The following EPHB1 variants were observed in gnomAD, a reference collection of about 807,000 sequenced individuals.
EPHB1 encodes ephrin type-B receptor 1.
Under a neutral mutation model 94.4 loss-of-function variants are expected in EPHB1, and 30 were observed. The ratio of observed to expected loss-of-function variants is 0.32; its 90% CI spans 0.24 to 0.43. EPHB1 has a LOEUF of 0.43. Ranked by LOEUF, EPHB1 falls within the 20% of genes least tolerant of loss-of-function variation. The pLI is 1.00. For missense variants in EPHB1, 1,055 were observed against 1,308.3 expected (o/e 0.81, Z 2.99); for synonymous variants, 522 against 489.1 (o/e 1.07, Z -0.89).
chr3:135,113,397 A>C (rs916307267), intron 4 of EPHB1, among the ~76,000 whole-genome samples: 6 of 152,256 alleles, frequency 3.9e-5, no homozygotes, highest in Non-Finnish European at 8.8e-5. Flanking sequence ...GCTAAAAGCC[A>C]GGCACACAAG....
In EPHB1 at chr3:135,242,200, G is replaced by C. The variant is rs569561848; in HGVS notation, c.2496+903G>C. On this transcript the variant is annotated intron_variant, in intron 13 of 15. Coordinates refer to ENST00000398015, the MANE Select transcript of EPHB1 (RefSeq NM_004441.5). ...TTTGCATACATACCCTCCCGTTGGA[G>C]CTGAGAGGATTACAATTTGCAAAGC... Among the ~76,000 whole-genome samples the C allele has an allele frequency of 3.3e-5, 5 of 152,314 alleles. No homozygotes were observed. In the South Asian group the frequency reaches 1.0e-3, roughly 32 times the overall value.
Position 135,102,078 on chromosome 3 carries a change from C to T in EPHB1, c.806-4370C>T, listed in dbSNP as rs546136483. ...TCCCAACTGCAGCAGTAGTGCTGAC[C>T]GTAATTCTGTAAAGGAACTCCTGAG... On this transcript the variant is annotated intron_variant, in intron 3 of 15. Coordinates refer to ENST00000398015, the MANE Select transcript of EPHB1 (RefSeq NM_004441.5). Among the ~76,000 whole-genome samples the T allele has an allele frequency of 3.3e-5, 5 of 152,244 alleles. No homozygotes were observed. The South Asian group carries it at 6.2e-4, about 19-fold the overall frequency.
At chr3:134,903,825 C>T (rs1366697118) in intron 1 of EPHB1, among the ~76,000 whole-genome samples, 1 of 152,158 alleles carries the variant, frequency 6.6e-6, no homozygotes, top group African/African-American at 2.4e-5. Flanking sequence ...GTTATTATTC[C>T]ATTGTTGCTA....
intron 1 of EPHB1, among the ~76,000 whole-genome samples, chr3:134,905,737 C>T (rs2038310719): frequency 6.6e-6 from 1 of 152,182 alleles, no homozygotes; most frequent in South Asian, 2.1e-4. Context: ...CCTCTTGGTG[C>T]TGACCAGGAG....
intron 3 of EPHB1, among the ~76,000 whole-genome samples, chr3:135,005,299 G>T (rs1935356658): frequency 6.6e-6 from 1 of 152,236 alleles, no homozygotes; most frequent in African/African-American, 2.4e-5. Flanking sequence ...CCCACTTGAG[G>T]AGGCAGTCTG....
intron 3 of EPHB1, chr3:134,978,225 C>A (rs571266629): frequency 1.4e-4 from 42 of 307,576 alleles, no homozygotes; most frequent in South Asian, 9.7e-4. Flanking sequence ...TCTGCTGCCC[C>A]TACCCTAAGC....
chr3:135,110,348 C>T (rs1307483740), intron 4 of EPHB1, among the ~76,000 whole-genome samples: 2 of 152,078 alleles, frequency 1.3e-5, no homozygotes, highest in East Asian at 3.9e-4. Context: ...CCCTTGAGCC[C>T]ACCAGCCGAC....
chr3:135,169,978 G>T (rs1156804597), intron 9 of EPHB1, among the ~76,000 whole-genome samples: 1 of 152,208 alleles, frequency 6.6e-6, no homozygotes, highest in Non-Finnish European at 1.5e-5. Flanking sequence ...CAGAAAGATT[G>T]ATAATGTCTG....
intron 11 of EPHB1, among the ~76,000 whole-genome samples, chr3:135,197,141 A>T (rs1163144592): frequency 1.3e-5 from 2 of 152,068 alleles, no homozygotes; most frequent in Non-Finnish European, 2.9e-5. Context: ...TAATAAGCGA[A>T]ACAATTCCTG....
chr3:134,984,113 G>A (rs1034763912), intron 3 of EPHB1, among the ~76,000 whole-genome samples: 1 of 152,214 alleles, frequency 6.6e-6, no homozygotes, highest in Non-Finnish European at 1.5e-5. Context: ...CACTAAAGGG[G>A]TAAAGAGGAT....
intron 12 of EPHB1, among the ~76,000 whole-genome samples, chr3:135,227,043 A>G (rs7635276): frequency 0.44 from 66,157 of 151,658 alleles, 15,110 homozygotes; most frequent in South Asian, 0.56. Flanking sequence ...GGAGACATGG[A>G]TTGAAAAATC....
At chr3:135,049,422 C>G (rs1937102475) in intron 3 of EPHB1, among the ~76,000 whole-genome samples, 1 of 152,208 alleles carries the variant, frequency 6.6e-6, no homozygotes, top group African/African-American at 2.4e-5. Context: ...ACTCACAGAT[C>G]TGATGGTTGA....
At chr3:134,799,537 T>C (rs946600476) in intron 1 of EPHB1, among the ~76,000 whole-genome samples, 1 of 152,244 alleles carries the variant, frequency 6.6e-6, no homozygotes, top group Non-Finnish European at 1.5e-5. Context: ...AATGCAGCTC[T>C]GGGCAATGGC....
intron 3 of EPHB1, among the ~76,000 whole-genome samples, chr3:134,983,594 C>A (rs36106): frequency 7.2e-5 from 11 of 152,210 alleles, no homozygotes; most frequent in African/African-American, 1.7e-4. Flanking sequence ...GACAGAGTGC[C>A]TGAGAGACTG....
At position 135,242,492 on chromosome 3, in the gene EPHB1, G is replaced by T. The variant is rs970245938; in HGVS notation, c.2496+1195G>T. Among the ~76,000 whole-genome samples the T allele has an allele frequency of 3.3e-5, 5 of 152,160 alleles. No individual in the cohort carries two copies. The East Asian group carries it at 9.6e-4, about 29-fold the overall frequency. On this transcript the variant is annotated intron_variant, in intron 13 of 15. Transcript: ENST00000398015. ...GAGAAAGGTGGCAACTTCCCAGAGA[G>T]ACTGTGGAAAGAGGAGCTGGGGTAC...
At chr3:134,892,815 C>T (rs1260482754) in intron 1 of EPHB1, among the ~76,000 whole-genome samples, 1 of 149,104 alleles carries the variant, frequency 6.7e-6, no homozygotes, top group Non-Finnish European at 1.5e-5. Flanking sequence ...CTCCCTCTAT[C>T]CTAACTCTTG....
At chr3:134,990,194 C>A (rs1934746663) in intron 3 of EPHB1, among the ~76,000 whole-genome samples, 1 of 152,180 alleles carries the variant, frequency 6.6e-6, no homozygotes, top group Admixed American at 6.5e-5. Context: ...GAACCTCAGC[C>A]TATGAATATA....
chr3:135,232,792 A>C (rs1479080775), intron 12 of EPHB1, among the ~76,000 whole-genome samples: 1 of 152,184 alleles, frequency 6.6e-6, no homozygotes, highest in African/African-American at 2.4e-5. Context: ...GGCTTCAGGA[A>C]ACTTACAATC....
chr3:135,151,142 T>C (rs1255651089), intron 5 of EPHB1, among the ~76,000 whole-genome samples: 2 of 152,192 alleles, frequency 1.3e-5, no homozygotes, highest in African/African-American at 4.8e-5. Flanking sequence ...CTTCCTGCTT[T>C]TACATGGCCC....
Sources: gnomAD v4.1 joint callset for allele counts (sites outside exome capture counted in the v4.1 genomes callset) on GRCh38, gnomAD v4.1.1 for gene constraint, MANE v1.5 for transcripts, NCBI Gene and HGNC (gene_info 2026-07-23, HGNC 2026-07-21) for gene names.